The following MTA3 variants were observed in gnomAD, a reference collection of about 807,000 sequenced individuals.
The protein encoded by MTA3 is metastasis-associated protein MTA3.
Under a neutral mutation model 83.5 loss-of-function variants are expected in MTA3, and 34 were observed. The ratio of observed to expected loss-of-function variants is 0.41; its 90% CI spans 0.31 to 0.54. The LOEUF (loss-of-function observed/expected upper bound fraction) is 0.54, where lower values mean the gene tolerates loss of function less well. Among genes scored for constraint, MTA3 ranks in the 20% least tolerant of loss-of-function variants. MTA3 has a pLI of 0.33. For synonymous variants in MTA3, 303 were observed against 252.7 expected (o/e 1.20, Z -1.89); for missense variants, 761 against 726.4 (o/e 1.05, Z -0.55).
intron 16 of MTA3, among the ~76,000 whole-genome samples, chr2:42,726,461 C>T (rs984203628): frequency 6.6e-6 from 1 of 151,856 alleles, no homozygotes; most frequent in East Asian, 1.9e-4. Context: ...CCCATTAACT[C>T]GTCATTTAGC....
intron 14 of MTA3, among the ~76,000 whole-genome samples, chr2:42,717,750 C>T (rs1321998498): frequency 6.6e-6 from 1 of 152,182 alleles, no homozygotes; most frequent in Non-Finnish European, 1.5e-5. Flanking sequence ...CATTATTACT[C>T]TTGCAAATCC....
At chr2:42,720,835 C>G (rs1667350251) in intron 15 of MTA3, among the ~76,000 whole-genome samples, 1 of 150,928 alleles carries the variant, frequency 6.6e-6, no homozygotes, top group Non-Finnish European at 1.5e-5. Context: ...GTGGTCCCAA[C>G]TACTCAGGAG....
intron 2 of MTA3, among the ~76,000 whole-genome samples, chr2:42,548,846 A>ATATATATATATATATATATT (rs1553340715): frequency 6.6e-5 from 1 of 15,056 alleles, no homozygotes; most frequent in Non-Finnish European, 1.2e-4. Context: ...ATATATATAT[A>ATATATATATATATATATATT]ATATATATAT....
chr2:42,680,438 G>A (rs1225232322), intron 8 of MTA3, among the ~76,000 whole-genome samples: 2 of 152,120 alleles, frequency 1.3e-5, no homozygotes, highest in African/African-American at 4.8e-5. Context: ...ATCCCCATTT[G>A]TGAAATTTTT....
chr2:42,558,744 G>A (rs1677520356), intron 2 of MTA3, among the ~76,000 whole-genome samples: 1 of 150,946 alleles, frequency 6.6e-6, no homozygotes, highest in South Asian at 2.1e-4. Context: ...TAGTAGAGAC[G>A]GGGTTTCACC....
At chr2:42,560,592 A>ACACAC (rs1677624691) in intron 2 of MTA3, among the ~76,000 whole-genome samples, 1 of 149,306 alleles carries the variant, frequency 6.7e-6, no homozygotes, top group African/African-American at 2.5e-5. Context: ...AAACAAACAA[A>ACACAC]ACACACACAC....
intron 2 of MTA3, among the ~76,000 whole-genome samples, chr2:42,503,667 T>G (rs903246023): frequency 6.6e-6 from 1 of 152,180 alleles, no homozygotes; most frequent in Non-Finnish European, 1.5e-5. Context: ...TTCTATGCTT[T>G]GAGGTGGAGG....
intron 3 of MTA3, among the ~76,000 whole-genome samples, chr2:42,586,667 G>A (rs191981696): frequency 1.3e-5 from 2 of 152,014 alleles, no homozygotes; most frequent in Admixed American, 1.3e-4. Flanking sequence ...AGCACTTTGG[G>A]GGCCCGAGAC....
intron 4 of MTA3, among the ~76,000 whole-genome samples, chr2:42,629,240 C>T (rs555975185): frequency 7.2e-5 from 11 of 152,044 alleles, no homozygotes; most frequent in South Asian, 6.2e-4. Flanking sequence ...CCACTATGCC[C>T]GGGTACTTTT....
At chr2:42,675,884 G>T (rs1691309879) in intron 8 of MTA3, among the ~76,000 whole-genome samples, 1 of 152,162 alleles carries the variant, frequency 6.6e-6, no homozygotes, top group Non-Finnish European at 1.5e-5. Context: ...ACTTCTGTGT[G>T]TATCAGAAAG....
intron 2 of MTA3, among the ~76,000 whole-genome samples, chr2:42,537,458 G>A (rs111826999): frequency 1.2e-4 from 18 of 152,016 alleles, no homozygotes; most frequent in African/African-American, 3.1e-4. Flanking sequence ...CCCACTACTC[G>A]GGAGGCTGAG....
chr2:42,606,189 C>T (rs1286697975), intron 3 of MTA3, among the ~76,000 whole-genome samples: 5 of 39,138 alleles, frequency 1.3e-4, no homozygotes, highest in South Asian at 1.8e-3. Flanking sequence ...GCTGGCCGGG[C>T]GGGGGGCTGA....
At chr2:42,651,182 C>T (rs968629175) in intron 6 of MTA3, among the ~76,000 whole-genome samples, 1 of 152,174 alleles carries the variant, frequency 6.6e-6, no homozygotes, top group African/African-American at 2.4e-5. Flanking sequence ...ATAAGTGGTG[C>T]ACCCACTGTG....
chr2:42,586,779 C>T (rs1573079841), intron 3 of MTA3, among the ~76,000 whole-genome samples: 1 of 152,218 alleles, frequency 6.6e-6, no homozygotes, highest in African/African-American at 2.4e-5. Flanking sequence ...AATCCCAGCA[C>T]TTTGGGAGGC....
chr2:42,598,104 G>A (rs1291134245), intron 3 of MTA3, among the ~76,000 whole-genome samples: 2 of 151,596 alleles, frequency 1.3e-5, no homozygotes, highest in South Asian at 4.2e-4. Context: ...ACAGAATCTT[G>A]CTCTGTTGCC....
intron 2 of MTA3, among the ~76,000 whole-genome samples, chr2:42,548,023 A>G (rs950492110): frequency 9.2e-5 from 14 of 152,326 alleles, no homozygotes; most frequent in Middle Eastern, 3.4e-3. Context: ...GAAAAATAAG[A>G]TAAGCTGCCC....
chr2:42,501,063 G>C (rs145609420), intron 2 of MTA3, among the ~76,000 whole-genome samples: 2,078 of 152,054 alleles, frequency 0.014, 34 homozygotes, highest in African/African-American at 0.047. Flanking sequence ...GCCCACCTCC[G>C]CCTCCCAAAG....
chr2:42,561,194 G>C (rs902547128), intron 2 of MTA3, among the ~76,000 whole-genome samples: 1 of 151,912 alleles, frequency 6.6e-6, no homozygotes, highest in Non-Finnish European at 1.5e-5. Flanking sequence ...CATTATTTTA[G>C]TTTCTTTTCA....
intron 9 of MTA3, among the ~76,000 whole-genome samples, chr2:42,684,282 TATTTGATGTG>T: frequency 6.6e-6 from 1 of 152,356 alleles, no homozygotes; most frequent in East Asian, 1.9e-4. Flanking sequence ...GACCATTACG[TATTTGATGTG>T]AGCCAATAGC....
Sources: allele counts gnomAD v4.1 joint callset (sites outside exome capture counted in the v4.1 genomes callset), GRCh38; gene constraint gnomAD v4.1.1; transcripts MANE v1.5; gene names NCBI Gene and HGNC (gene_info 2026-07-23, HGNC 2026-07-21).